NRXN1: variants seen among roughly 807,000 people sequenced by gnomAD.
NRXN1 encodes neurexin 1.
In NRXN1, 39 loss-of-function variants were observed where a neutral mutation model predicts 150.9. The observed-to-expected ratio is 0.26, with a 90% CI of 0.20 to 0.34. The LOEUF (loss-of-function observed/expected upper bound fraction) is 0.34, where lower values mean the gene tolerates loss of function less well. Among genes scored for constraint, NRXN1 ranks in the 10% least tolerant of loss-of-function variants. The pLI, the probability that NRXN1 is intolerant of heterozygous loss-of-function variation, is 1.00. For missense variants in NRXN1, 1,815 were observed against 1,949.9 expected (o/e 0.93, Z 1.30); for synonymous variants, 924 against 757.0 (o/e 1.22, Z -3.62).
At chr2:50,059,791 C>T (rs978285841) in intron 19 of NRXN1, among the ~76,000 whole-genome samples, 1 of 152,182 alleles carries the variant, frequency 6.6e-6, no homozygotes, top group Non-Finnish European at 1.5e-5. Flanking sequence ...AAGCCCCAAA[C>T]CTTGGTGGCT....
intron 2 of NRXN1, among the ~76,000 whole-genome samples, chr2:51,019,456 G>A (rs1366561386): frequency 6.6e-6 from 1 of 151,922 alleles, no homozygotes; most frequent in African/African-American, 2.4e-5. Flanking sequence ...AACTTCAAGA[G>A]GTGCTTATGA....
rs192069355 is a variant in NRXN1, at chr2:50,620,030, G to C, written c.1312C>G (p.Leu438Val). ...ATGGCAACGATATTTACCTCTTTGA[G>C]ACAGCCCATAAAGTTGTTACTGACT... ...SPVSNNFMGC[L>V]KEVVYKNNDV... Residue 438 changes from leucine to valine, a missense_variant, in exon 8 of 23, where the codon CTC becomes GTC. Physicochemically the swap from Leu to Val is conservative, Grantham distance 32 (BLOSUM62 1). Around this residue, in one of 6 missense-constraint regions of NRXN1, gnomAD observed 638 missense variants for 652.6 expected, o/e 0.98. Coordinates refer to ENST00000401669, the MANE Select transcript of NRXN1 (RefSeq NM_001330078.2). 5 of 1,599,174 alleles carry C rather than the reference G, an allele frequency of 3.1e-6. No individual in the cohort carries two copies. The East Asian group carries it at 9.0e-5, about 29-fold the overall frequency.
intron 21 of NRXN1, among the ~76,000 whole-genome samples, chr2:49,957,777 T>TGTACA: frequency 6.6e-6 from 1 of 152,286 alleles, no homozygotes; most frequent in Middle Eastern, 3.4e-3. Flanking sequence ...GTGGGTCAGA[T>TGTACA]GTACAGTACC....
At position 50,570,424 on chromosome 2, in the gene NRXN1, C is replaced by A. The variant is rs1451932057; in HGVS notation, c.1321-17399G>T. On this transcript the variant is annotated intron_variant, in intron 8 of 22. Transcript: ENST00000401669. ...TAGTAATCTCATTTAGAATTAATTT[C>A]TTATAAGTATCGTAAATCCAATAAT... Among the ~76,000 whole-genome samples, 3 of 152,144 alleles carry A rather than the reference C, an allele frequency of 2.0e-5. No homozygotes were observed. The South Asian group carries it at 6.2e-4, about 32-fold the overall frequency.
intron 5 of NRXN1, among the ~76,000 whole-genome samples, chr2:50,680,631 A>G (rs989295958): frequency 1.3e-5 from 2 of 152,170 alleles, no homozygotes; most frequent in Non-Finnish European, 2.9e-5. Flanking sequence ...TGTAACCAAG[A>G]ATATTACACA....
In NRXN1 at chr2:50,437,320, C is replaced by T. The variant is rs561107540; in HGVS notation, c.3364+28122G>A. ...TCCTCTTGGCACCAAGATTTTTCTA[C>T]TCTCTACCTACCTCTACTGCCAATA... is the stretch of plus-strand genomic sequence containing the variant. On this transcript the variant is annotated intron_variant, in intron 17 of 22. Transcript: ENST00000401669. Among the ~76,000 whole-genome samples, 10 of 152,286 alleles carry T rather than the reference C, an allele frequency of 6.6e-5. No individual in the cohort carries two copies. In the South Asian group the frequency reaches 1.9e-3, roughly 28 times the overall value.
intron 17 of NRXN1, among the ~76,000 whole-genome samples, chr2:50,459,527 A>G (rs1452056227): frequency 6.6e-6 from 1 of 152,072 alleles, no homozygotes; most frequent in Non-Finnish European, 1.5e-5. Context: ...GAGTTCACGT[A>G]GTTTAGCTCC....
intron 18 of NRXN1, among the ~76,000 whole-genome samples, chr2:50,235,173 G>C (rs1023991196): frequency 6.6e-6 from 1 of 152,104 alleles, no homozygotes; most frequent in South Asian, 2.1e-4. Flanking sequence ...ATTTTTTGAA[G>C]TAGCAAAGCT....
At chr2:50,645,404 A>C (rs1684678517) in intron 5 of NRXN1, among the ~76,000 whole-genome samples, 1 of 151,956 alleles carries the variant, frequency 6.6e-6, no homozygotes, top group Non-Finnish European at 1.5e-5. Flanking sequence ...AATTAATAGC[A>C]CCTGCATCTG....
At chr2:50,421,250 G>C (rs887952490) in intron 17 of NRXN1, among the ~76,000 whole-genome samples, 2 of 151,922 alleles carry the variant, frequency 1.3e-5, no homozygotes, top group African/African-American at 4.8e-5. Flanking sequence ...TTTCCACTTT[G>C]CATGCCAAAA....
In NRXN1 at chr2:49,960,152, A is replaced by G. The variant is rs574796974; in HGVS notation, c.4129-16361T>C. On this transcript the variant is annotated intron_variant, in intron 21 of 22. Transcript: ENST00000401669. The stretch of plus-strand genomic sequence containing the variant: ...GAAATTTTAAGTATGTTGCCATGGC[A>G]ATGGTTTGCAAGAATGTGTATGAGT... Among the ~76,000 whole-genome samples the G allele has an allele frequency of 3.3e-5, 5 of 152,272 alleles. No individual in the cohort carries two copies. The East Asian group carries it at 7.7e-4, about 24-fold the overall frequency.
rs187884606 is a variant in NRXN1 at position 50,780,648 on chromosome 2, A to G, written c.832+141221T>C. The stretch of plus-strand genomic sequence containing the variant: ...CTAATGGGTTAGCCTTGGTCTACTC[A>G]TGTTCTTTTTAATGTTGAATATTTA... On this transcript the variant is annotated intron_variant, in intron 5 of 22. Transcript: ENST00000401669. Among the ~76,000 whole-genome samples the G allele has an allele frequency of 6.6e-3, 1,012 of 152,288 alleles. 7 individuals are homozygous for G. Among genetic ancestry groups the G allele is most frequent in the Non-Finnish European group, 0.011 (759 of 68,020 alleles).
chr2:50,228,840 G>T (rs1458273564), intron 18 of NRXN1, among the ~76,000 whole-genome samples: 1 of 151,942 alleles, frequency 6.6e-6, no homozygotes, highest in African/African-American at 2.4e-5. Context: ...ATCTTCCAGG[G>T]CAGTTGAGCG....
At chr2:50,514,787 A>G (rs1430204533) in intron 12 of NRXN1, among the ~76,000 whole-genome samples, 1 of 152,242 alleles carries the variant, frequency 6.6e-6, no homozygotes, top group Non-Finnish European at 1.5e-5. Flanking sequence ...AACGTTTCCC[A>G]TAAATTCTGC....
chr2:50,603,671 A>C (rs201684365), intron 8 of NRXN1, among the ~76,000 whole-genome samples: 3 of 152,122 alleles, frequency 2.0e-5, no homozygotes, highest in East Asian at 3.9e-4. Context: ...AACTTTAAGA[A>C]ATTTATATAA....
intron 17 of NRXN1, among the ~76,000 whole-genome samples, chr2:50,286,067 A>G (rs2072117394): frequency 6.6e-6 from 1 of 152,176 alleles, no homozygotes; most frequent in Non-Finnish European, 1.5e-5. Context: ...CTTTTGAAGT[A>G]TATATACATT....
intron 5 of NRXN1, among the ~76,000 whole-genome samples, chr2:50,779,329 T>G (rs1027449076): frequency 6.6e-6 from 1 of 152,220 alleles, no homozygotes; most frequent in Non-Finnish European, 1.5e-5. Flanking sequence ...GTTTAATCCA[T>G]GTCCCTGCAA....
chr2:51,020,156 T>C (rs13382584), intron 2 of NRXN1, among the ~76,000 whole-genome samples: 41,267 of 151,540 alleles, frequency 0.27, 5,882 homozygotes, highest in Non-Finnish European at 0.33. Flanking sequence ...CCACCACCCA[T>C]ATCATGCCCA....
intron 5 of NRXN1, among the ~76,000 whole-genome samples, chr2:50,865,596 G>A (rs1676773594): frequency 7.0e-6 from 1 of 143,726 alleles, no homozygotes; most frequent in South Asian, 2.2e-4. Flanking sequence ...GTGTGTGTGT[G>A]TGTGTGTGTG....
Sources: gnomAD v4.1 joint callset for allele counts (sites outside exome capture counted in the v4.1 genomes callset) on GRCh38, gnomAD v4.1.1 for gene constraint, gnomAD v4.1.1 regional missense constraint, MANE v1.5 for transcripts, NCBI Gene and HGNC (gene_info 2026-07-23, HGNC 2026-07-21) for gene names.